GALNT17: variants seen among roughly 807,000 people sequenced by gnomAD.
The protein encoded by GALNT17 is UDP-GalNAc:polypeptide N-acetylgalactosaminyltransferase-like 3.
Under a neutral mutation model 63.7 loss-of-function variants are expected in GALNT17, and 29 were observed. The ratio of observed to expected loss-of-function variants is 0.46; its 90% CI spans 0.34 to 0.62. GALNT17 has a LOEUF of 0.62. Ranked by LOEUF, GALNT17 falls within the 20% of genes least tolerant of loss-of-function variation. The pLI is 0.01. For synonymous variants in GALNT17, 305 were observed against 318.3 expected (o/e 0.96, Z 0.45); for missense variants, 603 against 799.6 (o/e 0.75, Z 2.97).
chr7:71,442,214 T>G (rs1256595538), intron 5 of GALNT17, among the ~76,000 whole-genome samples: 1 of 152,148 alleles, frequency 6.6e-6, no homozygotes. Context: ...TGTTTTGTTT[T>G]GAGATGGAGT....
intron 5 of GALNT17, among the ~76,000 whole-genome samples, chr7:71,535,023 A>G (rs1383786238): frequency 6.6e-6 from 1 of 151,588 alleles, no homozygotes; most frequent in African/African-American, 2.4e-5. Context: ...AGTACATACA[A>G]CCCTCGTCCC....
rs1002277824 is a variant in GALNT17, at chr7:71,351,856, G to A, written c.422+16123G>A. Among the ~76,000 whole-genome samples, 36 of 152,152 alleles carry A rather than the reference G, an allele frequency of 2.4e-4. 1 individual carries two copies. Among genetic ancestry groups the A allele is most frequent in the Admixed American group, 2.0e-3 (31 of 15,280 alleles). The stretch of plus-strand genomic sequence containing the variant: ...GTAGCCACTGGGGATTTGACATAGC[G>A]AAGTGTCCTGATCTGGGGTATGTTT... On this transcript the variant is annotated intron_variant, in intron 2 of 10. Transcript: ENST00000333538.
intron 5 of GALNT17, among the ~76,000 whole-genome samples, chr7:71,495,228 A>T: frequency 6.6e-6 from 1 of 152,112 alleles, no homozygotes; most frequent in Middle Eastern, 3.2e-3. Context: ...GTGAGCTGAG[A>T]CTGTGCCACT....
chr7:71,695,055 C>T (rs1421761259), intron 9 of GALNT17, among the ~76,000 whole-genome samples: 1 of 152,210 alleles, frequency 6.6e-6, no homozygotes, highest in Non-Finnish European at 1.5e-5. Flanking sequence ...CTTCCTTAAC[C>T]AATTCAGCAG....
chr7:71,429,184 C>A (rs1786815567), intron 5 of GALNT17, among the ~76,000 whole-genome samples: 1 of 151,020 alleles, frequency 6.6e-6, no homozygotes, highest in Non-Finnish European at 1.5e-5. Context: ...GTACATACAT[C>A]TGAAGGCATG....
At chr7:71,286,378 T>A (rs1415337915) in intron 1 of GALNT17, among the ~76,000 whole-genome samples, 1 of 152,232 alleles carries the variant, frequency 6.6e-6, no homozygotes, top group Non-Finnish European at 1.5e-5. Flanking sequence ...GCATTAAGAA[T>A]ACTTGGCCCA....
At chr7:71,481,748 C>A (rs1787821534) in intron 5 of GALNT17, among the ~76,000 whole-genome samples, 1 of 152,126 alleles carries the variant, frequency 6.6e-6, no homozygotes, top group Non-Finnish European at 1.5e-5. Flanking sequence ...TTGGCTCCAC[C>A]GTGAAGGGCC....
intron 1 of GALNT17, among the ~76,000 whole-genome samples, chr7:71,222,698 G>C (rs929645796): frequency 1.3e-5 from 2 of 152,154 alleles, no homozygotes; most frequent in African/African-American, 4.8e-5. Context: ...TTTGGGGGAA[G>C]GACATCAGAG....
At chr7:71,285,053 TA>T (rs1210545336) in intron 1 of GALNT17, among the ~76,000 whole-genome samples, 1 of 152,178 alleles carries the variant, frequency 6.6e-6, no homozygotes, top group Admixed American at 6.5e-5. Context: ...GGTGCAAAAG[TA>T]AATATCTATT....
chr7:71,282,539 T>G (rs1790795890), intron 1 of GALNT17, among the ~76,000 whole-genome samples: 2 of 152,244 alleles, frequency 1.3e-5, no homozygotes, highest in Admixed American at 6.5e-5. Context: ...GAAGGGCTTC[T>G]GCCTGTTTAG....
intron 6 of GALNT17, among the ~76,000 whole-genome samples, chr7:71,604,254 C>T (rs760419415): frequency 1.9e-4 from 29 of 152,022 alleles, no homozygotes; most frequent in South Asian, 6.2e-4. Flanking sequence ...AGTGCGTATA[C>T]GAGGTACTAT....
chr7:71,215,077 T>G (rs573914570), intron 1 of GALNT17, among the ~76,000 whole-genome samples: 2 of 152,332 alleles, frequency 1.3e-5, no homozygotes, highest in East Asian at 1.9e-4. Context: ...ATCCTAAGCT[T>G]CTTTTAAACC....
chr7:71,376,565 A>G (rs567801438), intron 2 of GALNT17, among the ~76,000 whole-genome samples: 32 of 148,406 alleles, frequency 2.2e-4, no homozygotes, highest in African/African-American at 7.0e-4. Context: ...GTGTGTGTGT[A>G]TGTGTGTGTG....
chr7:71,637,857 C>A (rs113345896), intron 6 of GALNT17, among the ~76,000 whole-genome samples: 13 of 152,056 alleles, frequency 8.5e-5, no homozygotes, highest in African/African-American at 2.7e-4. Flanking sequence ...CTGGATCTTG[C>A]GCAAGAAAGA....
intron 6 of GALNT17, among the ~76,000 whole-genome samples, chr7:71,631,579 C>T (rs1185498960): frequency 6.6e-6 from 1 of 152,086 alleles, no homozygotes; most frequent in Non-Finnish European, 1.5e-5. Context: ...AATTCAACAG[C>T]CCTTCAACAA....
chr7:71,665,585 C>G lies in GALNT17; in HGVS notation c.1255C>G (p.Leu419Val), dbSNP rs1264401185. ...GTCTCATGTGTACATAGCGTGGAAC[C>G]TGCCGCTGGAGGTAGGGATCACCAG... ...YKSHVYIAWN[L>V]PLENPGIDIG... The change falls in exon 7 of 11, where the codon CTG becomes GTG. Residue 419 changes from leucine (L) to valine (V), a missense_variant. By Grantham distance (32) the Leu-to-Val change is conservative (BLOSUM62 1). Coordinates refer to ENST00000333538, the MANE Select transcript of GALNT17 (RefSeq NM_022479.3). The G allele has an allele frequency of 6.2e-7, 1 of 1,612,878 alleles. No homozygotes were observed. The highest frequency in any genetic ancestry group is 8.5e-7 in the Non-Finnish European group (1 of 1,179,668).
At chr7:71,527,794 G>A (rs955044425) in intron 5 of GALNT17, among the ~76,000 whole-genome samples, 4 of 152,206 alleles carry the variant, frequency 2.6e-5, no homozygotes, top group Admixed American at 2.0e-4. Context: ...CACCCACACA[G>A]CACACACGCA....
Position 71,240,143 on chromosome 7 carries a change from G to C in GALNT17, c.239-95407G>C, listed in dbSNP as rs909350533. 3.9e-5 allele frequency among the ~76,000 whole-genome samples: 6 copies of C among 152,190 alleles called. No individual in the cohort carries two copies. In the South Asian group the frequency reaches 1.0e-3, roughly 26 times the overall value. ...AACTCTTTTGGATCCTTACCTAGTAGCTACTTCACAGCCTGGGGAGAAGAC... is the reference window on the plus strand; with the variant it reads ...AACTCTTTTGGATCCTTACCTAGTACCTACTTCACAGCCTGGGGAGAAGAC... On this transcript the variant is annotated intron_variant, in intron 1 of 10. Transcript: ENST00000333538.
chr7:71,551,573 G>A (rs1039459003), intron 5 of GALNT17, among the ~76,000 whole-genome samples: 1 of 151,824 alleles, frequency 6.6e-6, no homozygotes, highest in Admixed American at 6.6e-5. Flanking sequence ...GTATAGCCTG[G>A]GCAACATAGT....
Sources: gnomAD v4.1 joint callset for allele counts (sites outside exome capture counted in the v4.1 genomes callset) on GRCh38, gnomAD v4.1.1 for gene constraint, MANE v1.5 for transcripts, NCBI Gene and HGNC (gene_info 2026-07-23, HGNC 2026-07-21) for gene names.